The following TANC2 variants were observed in gnomAD, a reference collection of about 807,000 sequenced individuals.
The protein encoded by TANC2 is protein TANC2.
In TANC2, 26 loss-of-function variants were observed where a neutral mutation model predicts 210.5. The observed-to-expected ratio is 0.12, with a 90% CI of 0.09 to 0.17. TANC2 has a LOEUF of 0.17. Ranked by LOEUF, TANC2 falls within the 10% of genes least tolerant of loss-of-function variation. The pLI is 1.00. For synonymous variants in TANC2, 931 were observed against 967.1 expected, an observed-to-expected ratio of 0.96 and a Z score of 0.69; for missense variants, 2,129 against 2,608.9, an observed-to-expected ratio of 0.82 and a Z score of 4.01.
intron 27 of TANC2, 42 bp from the exon 28 acceptor site, chr17:63,419,957 T>G: frequency 6.7e-7 from 1 of 1,488,124 alleles, no homozygotes; most frequent in Non-Finnish European, 9.0e-7. Flanking sequence ...TTCTCTGGAT[T>G]CAGAATAACT....
chr17:63,369,764 G>A (rs539908216), intron 14 of TANC2, among the ~76,000 whole-genome samples: 8 of 151,938 alleles, frequency 5.3e-5, no homozygotes, highest in African/African-American at 1.9e-4. Flanking sequence ...CACCATGCCG[G>A]GCTAATTTTT....
At chr17:63,027,794 A>T (rs1436729270) in intron 2 of TANC2, among the ~76,000 whole-genome samples, 5 of 152,230 alleles carry the variant, frequency 3.3e-5, no homozygotes, top group African/African-American at 9.6e-5. Context: ...TTTGTCCTCA[A>T]GGGTCTCTAG....
intron 7 of TANC2, among the ~76,000 whole-genome samples, chr17:63,220,490 T>G (rs2042141130): frequency 6.6e-6 from 1 of 151,212 alleles, no homozygotes; most frequent in South Asian, 2.1e-4. Context: ...TCACTTGAGG[T>G]CAGGAGTTCG....
At chr17:63,286,756 C>T (rs969528056) in intron 9 of TANC2, among the ~76,000 whole-genome samples, 1 of 152,164 alleles carries the variant, frequency 6.6e-6, no homozygotes, top group Admixed American at 6.5e-5. Context: ...AGTTATCTCA[C>T]AGTTCACTGA....
intron 2 of TANC2, among the ~76,000 whole-genome samples, chr17:63,027,440 G>A (rs1191749314): frequency 6.6e-6 from 1 of 151,842 alleles, no homozygotes; most frequent in Admixed American, 6.6e-5. Context: ...AACAATGTTT[G>A]TGCCAAATTA....
At chr17:63,006,382 AATAC>A (rs1408138507) in intron 1 of TANC2, among the ~76,000 whole-genome samples, 1 of 152,050 alleles carries the variant, frequency 6.6e-6, no homozygotes, top group Non-Finnish European at 1.5e-5. Flanking sequence ...CTTTACTTCT[AATAC>A]ATACATTTAA....
chr17:63,015,180 T>C (rs973727187), intron 2 of TANC2, among the ~76,000 whole-genome samples: 2 of 152,188 alleles, frequency 1.3e-5, no homozygotes, highest in East Asian at 1.9e-4. Flanking sequence ...TAGTCTTTAG[T>C]TTAAAAAGCA....
chr17:63,191,242 G>A (rs1057371372), intron 5 of TANC2, among the ~76,000 whole-genome samples: 3 of 151,514 alleles, frequency 2.0e-5, no homozygotes, highest in Non-Finnish European at 2.9e-5. Context: ...GGTTTGGAGG[G>A]GAGGACCTGG....
chr17:63,387,042 T>TGTA (rs1254224665), intron 15 of TANC2, among the ~76,000 whole-genome samples: 1 of 152,108 alleles, frequency 6.6e-6, no homozygotes, highest in African/African-American at 2.4e-5. Flanking sequence ...TTTGTAAAGA[T>TGTA]GTAGTCTCCC....
intron 9 of TANC2, among the ~76,000 whole-genome samples, chr17:63,314,137 G>A (rs1014492287): frequency 3.9e-5 from 6 of 152,212 alleles, no homozygotes; most frequent in Middle Eastern, 3.4e-3. Flanking sequence ...CCCGACTTTC[G>A]GACTGATCAA....
At chr17:62,979,039 A>G (rs2032167766) in intron 1 of TANC2, among the ~76,000 whole-genome samples, 2 of 152,230 alleles carry the variant, frequency 1.3e-5, no homozygotes, top group Non-Finnish European at 1.5e-5. Context: ...TTGACCAGAC[A>G]TAGTATTCAT....
At chr17:63,072,211 T>C (rs755721276) in intron 2 of TANC2, among the ~76,000 whole-genome samples, 11 of 152,112 alleles carry the variant, frequency 7.2e-5, no homozygotes, top group Non-Finnish European at 1.5e-4. Flanking sequence ...TAAATTTGAG[T>C]TGGCCCAGTT....
chr17:63,200,780 A>C, exon 7 of TANC2: 1 of 1,612,592 alleles, frequency 6.2e-7, no homozygotes, highest in Non-Finnish European at 8.5e-7. Flanking sequence ...GACCTCAGCA[A>C]TCACCCAGCG....
rs2031373580 is a variant in TANC2 at position 62,966,913 on chromosome 17, T to C, written c.-24+164T>C. 6.6e-6 allele frequency: 1 copy of C among 152,230 alleles called. No individual in the cohort carries two copies. The highest frequency in any genetic ancestry group is 6.5e-5 in the Admixed American group (1 of 15,280). 9.4% of individuals were successfully genotyped at this position (152,230 alleles called of 1,614,324 possible). ...AGGCGTGGGGAAGGCTGGCTCCGAA[T>C]ATGACACCAAGGCGGGCTTCAGAGG... On this transcript the variant is annotated intron_variant, in intron 1 of 27. Coordinates refer to ENST00000689528, the Ensembl canonical transcript of TANC2. The surrounding 1 kb of genome is among the most constrained non-coding windows in gnomAD (Gnocchi z 5.1).
At chr17:63,303,794 T>G (rs941947729) in intron 9 of TANC2, among the ~76,000 whole-genome samples, 1 of 152,112 alleles carries the variant, frequency 6.6e-6, no homozygotes, top group Non-Finnish European at 1.5e-5. Context: ...TTTTTGTTCC[T>G]TTTCATTCTT....
intron 9 of TANC2, among the ~76,000 whole-genome samples, chr17:63,269,270 A>C (rs2043623183): frequency 6.6e-6 from 1 of 152,080 alleles, no homozygotes; most frequent in Non-Finnish European, 1.5e-5. Flanking sequence ...CCAGTTCTTC[A>C]GTTTGTCATA....
At chr17:63,200,749 A>G (rs1328892835) in intron 6 of TANC2, 22 bp from the exon 7 acceptor site, 1 of 1,603,312 alleles carries the variant, frequency 6.2e-7, no homozygotes, top group Non-Finnish European at 8.5e-7. Context: ...TATCTTACTT[A>G]TTCATGATTC....
intron 3 of TANC2, among the ~76,000 whole-genome samples, chr17:63,081,855 A>G (rs909983089): frequency 1.1e-4 from 17 of 152,184 alleles, no homozygotes; most frequent in African/African-American, 4.1e-4. Context: ...GAAAAGGAAT[A>G]AAAGCATGAC....
At chr17:63,171,332 CT>C (rs1036631479) in intron 5 of TANC2, among the ~76,000 whole-genome samples, 1 of 152,102 alleles carries the variant, frequency 6.6e-6, no homozygotes, top group African/African-American at 2.4e-5. Context: ...ATCCGCCTGC[CT>C]CCGCCTCCCA....
Sources: gnomAD v4.1 joint callset for allele counts (sites outside exome capture counted in the v4.1 genomes callset) on GRCh38, gnomAD v4.1.1 for gene constraint, Gnocchi (gnomAD v3.1) non-coding constraint, MANE v1.5 for transcripts, NCBI Gene and HGNC (gene_info 2026-07-23, HGNC 2026-07-21) for gene names.